Variants in ATP11B observed in about 807,000 individuals in gnomAD.
The protein encoded by ATP11B is phospholipid-transporting ATPase IF.
In ATP11B, 81 loss-of-function variants were observed where a neutral mutation model predicts 157.8. The ratio of observed to expected loss-of-function variants is 0.51; its 90% CI spans 0.43 to 0.62. The LOEUF is 0.62. Ranked by LOEUF, ATP11B falls within the 20% of genes least tolerant of loss-of-function variation. The pLI is 0.00. For synonymous variants in ATP11B, 451 were observed against 469.4 expected (o/e 0.96, Z 0.51); for missense variants, 1,165 against 1,402.2 (o/e 0.83, Z 2.70).
At chr3:182,880,404 A>G (rs1420420999) in intron 20 of ATP11B, among the ~76,000 whole-genome samples, 1 of 152,198 alleles carries the variant, frequency 6.6e-6, no homozygotes, top group Non-Finnish European at 1.5e-5. Flanking sequence ...GGTTCTTTAT[A>G]AAAGTACATT....
intron 9 of ATP11B, 58 bp from the exon 10 acceptor site, chr3:182,848,418 T>C: frequency 1.0e-6 from 1 of 993,900 alleles, no homozygotes; most frequent in Non-Finnish European, 1.4e-6. Context: ...AATATATTTA[T>C]TTCTTGTGAA....
chr3:182,914,115 C>T, intron 29 of ATP11B, 121 bp downstream of exon 29: 1 of 1,522,978 alleles, frequency 6.6e-7, no homozygotes, highest in Admixed American at 2.3e-5. Context: ...AGCAGGAAGT[C>T]TGCTATTTAT....
chr3:182,900,345 G>A (rs1723868500), intron 28 of ATP11B, among the ~76,000 whole-genome samples: 2 of 152,250 alleles, frequency 1.3e-5, no homozygotes, highest in South Asian at 2.1e-4. Flanking sequence ...TAGAGATAAC[G>A]AGTATGAAGT....
At chr3:182,858,870 T>G (rs1720622108) in intron 11 of ATP11B, among the ~76,000 whole-genome samples, 1 of 152,174 alleles carries the variant, frequency 6.6e-6, no homozygotes, top group Admixed American at 6.5e-5. Context: ...CAAAGGTAGT[T>G]TCAGTCATAC....
At chr3:182,826,292 A>G (rs1717717433) in intron 2 of ATP11B, among the ~76,000 whole-genome samples, 1 of 152,218 alleles carries the variant, frequency 6.6e-6, no homozygotes, top group African/African-American at 2.4e-5. Flanking sequence ...GAACTAGCCA[A>G]AGAAAACACC....
At chr3:182,877,234 G>C (rs114348235) in intron 19 of ATP11B, among the ~76,000 whole-genome samples, 1,956 of 152,296 alleles carry the variant, frequency 0.013, 48 homozygotes, top group African/African-American at 0.044. Flanking sequence ...GCCTAGCCTA[G>C]ACCAGGGGTA....
intron 17 of ATP11B, among the ~76,000 whole-genome samples, chr3:182,870,535 G>T (rs547373771): frequency 2.0e-5 from 3 of 152,044 alleles, no homozygotes; most frequent in Non-Finnish European, 4.4e-5. Context: ...AATAATGCTG[G>T]CACATAGTTT....
intron 10 of ATP11B, among the ~76,000 whole-genome samples, chr3:182,856,135 C>T (rs1038198335): frequency 2.0e-5 from 3 of 152,072 alleles, no homozygotes; most frequent in African/African-American, 7.2e-5. Flanking sequence ...AGCCTAATGT[C>T]CTAGAAATCT....
At chr3:182,825,285 G>C (rs1017725558) in intron 2 of ATP11B, among the ~76,000 whole-genome samples, 1 of 152,028 alleles carries the variant, frequency 6.6e-6, no homozygotes, top group African/African-American at 2.4e-5. Flanking sequence ...TTTGAATACA[G>C]CTATTAATGT....
At chr3:182,793,890 G>A (rs919105935) in intron 1 of ATP11B, 104 bp downstream of exon 1, 2 of 708,514 alleles carry the variant, frequency 2.8e-6, no homozygotes, top group African/African-American at 1.9e-5. Flanking sequence ...AGGCCAGGGC[G>A]TGGGCGCCCG....
chr3:182,794,399 T>C (rs1715465886), intron 1 of ATP11B, among the ~76,000 whole-genome samples: 1 of 152,124 alleles, frequency 6.6e-6, no homozygotes, highest in Admixed American at 6.5e-5. Context: ...CCGGTCTAGC[T>C]TCGGAAACGA....
chr3:182,823,644 C>T (rs1717521222), intron 2 of ATP11B, among the ~76,000 whole-genome samples: 1 of 152,076 alleles, frequency 6.6e-6, no homozygotes, highest in Non-Finnish European at 1.5e-5. Flanking sequence ...TTTTCCAGTT[C>T]TGTGAAGAAA....
Position 182,858,954 on chromosome 3 carries a change from A to G in ATP11B, c.1003-208A>G, listed in dbSNP as rs550916615. On this transcript the variant is annotated intron_variant, in intron 11 of 29. Coordinates refer to ENST00000323116, the MANE Select transcript of ATP11B (RefSeq NM_014616.3). ...TAACCTTTTCATCATTTACTTTATCAAGATTCTAATGAGCAATAAAATAAC... is the reference window on the plus strand; with the variant it reads ...TAACCTTTTCATCATTTACTTTATCGAGATTCTAATGAGCAATAAAATAAC... 2.6e-5 allele frequency among the ~76,000 whole-genome samples: 4 copies of G among 152,278 alleles called. No homozygotes were observed. In the East Asian group the frequency reaches 7.7e-4, roughly 29 times the overall value.
intron 6 of ATP11B, 61 bp downstream of exon 6, chr3:182,836,531 A>C (rs1317104244): frequency 6.3e-7 from 1 of 1,598,772 alleles, no homozygotes; most frequent in Non-Finnish European, 8.5e-7. Flanking sequence ...GATTATAATT[A>C]TACTTAACTT....
chr3:182,813,020 A>G (rs562090653), intron 1 of ATP11B, among the ~76,000 whole-genome samples: 2 of 152,284 alleles, frequency 1.3e-5, no homozygotes, highest in East Asian at 3.9e-4. Flanking sequence ...CTTAAGGTTG[A>G]TCCATATTGC....
intron 28 of ATP11B, 65 bp downstream of exon 28, chr3:182,898,837 T>C: frequency 1.8e-6 from 2 of 1,102,878 alleles, no homozygotes; most frequent in Non-Finnish European, 2.4e-6. Flanking sequence ...TGAATAGCTG[T>C]CATTATAATT....
At chr3:182,838,679 G>A (rs1471486845) in intron 7 of ATP11B, among the ~76,000 whole-genome samples, 1 of 151,722 alleles carries the variant, frequency 6.6e-6, no homozygotes, top group East Asian at 1.9e-4. Context: ...AGATGAAAAG[G>A]AATAGTTTCC....
intron 4 of ATP11B, among the ~76,000 whole-genome samples, chr3:182,833,480 C>A (rs1438296069): frequency 6.6e-6 from 1 of 152,070 alleles, no homozygotes; most frequent in Non-Finnish European, 1.5e-5. Context: ...TGCGTGCCAC[C>A]ACACCCAGCT....
intron 19 of ATP11B, among the ~76,000 whole-genome samples, chr3:182,875,036 A>G (rs953284767): frequency 6.6e-5 from 10 of 152,192 alleles, no homozygotes; most frequent in African/African-American, 2.4e-4. Flanking sequence ...AGATTATTTC[A>G]TAAGAATTTA....
Sources: allele counts gnomAD v4.1 joint callset (sites outside exome capture counted in the v4.1 genomes callset), GRCh38; gene constraint gnomAD v4.1.1; transcripts MANE v1.5; gene names NCBI Gene and HGNC (gene_info 2026-07-23, HGNC 2026-07-21).